The following TYW1B variants were observed in gnomAD, a reference collection of about 807,000 sequenced individuals.
TYW1B encodes S-adenosyl-L-methionine-dependent tRNA 4-demethylwyosine synthase TYW1B.
In TYW1B, 73 loss-of-function variants were observed where a neutral mutation model predicts 86.9. The ratio of observed to expected loss-of-function variants is 0.84; its 90% CI spans 0.70 to 1.02. The LOEUF (loss-of-function observed/expected upper bound fraction) is 1.02, where lower values mean the gene tolerates loss of function less well. Ranked by LOEUF, TYW1B falls within the 50% of genes least tolerant of loss-of-function variation. TYW1B has a pLI of 0.00. For missense variants in TYW1B, 637 were observed against 827.4 expected (o/e 0.77, Z 2.82); for synonymous variants, 248 against 292.8 (o/e 0.85, Z 1.56).
chr7:72,629,767 C>T (rs782626573), intron 11 of TYW1B, among the ~76,000 whole-genome samples: 1 of 151,946 alleles, frequency 6.6e-6, no homozygotes, highest in Non-Finnish European at 1.5e-5. Flanking sequence ...AGGCTGGTCT[C>T]GAACTCTCGG....
intron 2 of TYW1B, among the ~76,000 whole-genome samples, chr7:72,819,961 A>C (rs1420535709): frequency 2.6e-5 from 4 of 152,152 alleles, no homozygotes; most frequent in Non-Finnish European, 5.9e-5. Flanking sequence ...ATTGGGGCCT[A>C]TATTGAGCAT....
intron 7 of TYW1B, among the ~76,000 whole-genome samples, chr7:72,747,605 A>T (rs1787418794): frequency 6.6e-6 from 1 of 152,248 alleles, no homozygotes; most frequent in South Asian, 2.1e-4. Context: ...CTACAAGATC[A>T]GAGTGAACTA....
chr7:72,632,285 G>GTATA (rs1239640717), intron 11 of TYW1B, among the ~76,000 whole-genome samples: 1 of 83,568 alleles, frequency 1.2e-5, no homozygotes, highest in Non-Finnish European at 2.1e-5. Flanking sequence ...ATATATACGT[G>GTATA]TATATATATA....
intron 6 of TYW1B, among the ~76,000 whole-genome samples, chr7:72,778,064 GTAAC>G (rs1563091036): frequency 6.6e-6 from 1 of 152,156 alleles, no homozygotes; most frequent in African/African-American, 2.4e-5. Context: ...CTTTTGTTAA[GTAAC>G]TATATATTCA....
At chr7:72,621,716 C>T (rs1462632032) in intron 12 of TYW1B, among the ~76,000 whole-genome samples, 3 of 152,238 alleles carry the variant, frequency 2.0e-5, no homozygotes, top group Non-Finnish European at 2.9e-5. Context: ...TCAATCTATG[C>T]TAAATGATCA....
chr7:72,758,407 C>G (rs1554466602), intron 7 of TYW1B, among the ~76,000 whole-genome samples: 1 of 152,092 alleles, frequency 6.6e-6, no homozygotes, highest in African/African-American at 2.4e-5. Context: ...GTTCCCATTG[C>G]TATGTTCTAT....
At chr7:72,779,682 A>G (rs536386831) in intron 6 of TYW1B, among the ~76,000 whole-genome samples, 2 of 132,944 alleles carry the variant, frequency 1.5e-5, no homozygotes, top group African/African-American at 5.7e-5. Context: ...GTGCCACTGC[A>G]CTCCAGCCTG....
At chr7:72,820,872 G>T (rs1458615973) in intron 2 of TYW1B, among the ~76,000 whole-genome samples, 1 of 152,186 alleles carries the variant, frequency 6.6e-6, no homozygotes, top group Non-Finnish European at 1.5e-5. Flanking sequence ...AAATATCATG[G>T]CGGTGTCAAA....
chr7:72,610,490 G>A (rs565356731), intron 13 of TYW1B, among the ~76,000 whole-genome samples: 58 of 151,876 alleles, frequency 3.8e-4, no homozygotes, highest in Non-Finnish European at 6.6e-4. Context: ...CTCGTTAATG[G>A]TCCTCATTTA....
chr7:72,736,894 T>C (rs868990719), intron 8 of TYW1B, among the ~76,000 whole-genome samples: 8 of 152,130 alleles, frequency 5.3e-5, no homozygotes, highest in Admixed American at 6.6e-5. Context: ...ACATCTGGAG[T>C]ATATCTACTT....
At chr7:72,581,756 G>C (rs1360865076) in intron 13 of TYW1B, among the ~76,000 whole-genome samples, 1 of 151,372 alleles carries the variant, frequency 6.6e-6, no homozygotes, top group African/African-American at 2.4e-5. Context: ...ATGATAGAGG[G>C]ATAAAAATAA....
chr7:72,790,303 A>T (rs1473831075), intron 6 of TYW1B, among the ~76,000 whole-genome samples: 3 of 152,030 alleles, frequency 2.0e-5, no homozygotes. Context: ...GTTTTATGCT[A>T]ATTAGGTGTC....
At chr7:72,782,305 T>A (rs1362892927) in intron 6 of TYW1B, among the ~76,000 whole-genome samples, 9 of 151,776 alleles carry the variant, frequency 5.9e-5, no homozygotes, top group Non-Finnish European at 1.2e-4. Context: ...TAAAAAAATT[T>A]AAAAAAAATC....
At chr7:72,815,524 C>T (rs782220701) in intron 2 of TYW1B, 43 bp from the exon 3 acceptor site, 1 of 1,534,870 alleles carries the variant, frequency 6.5e-7, no homozygotes, top group Non-Finnish European at 8.9e-7. Context: ...CTTCAATGAG[C>T]CAAATATAGC....
Position 72,744,716 on chromosome 7 carries a change from T to C in TYW1B, c.965-115A>G, listed in dbSNP as rs544232525. 8.6e-5 allele frequency: 105 copies of C among 1,216,226 alleles called. No homozygotes were observed. The East Asian group carries it at 2.2e-3, about 26-fold the overall frequency. The allele number at this position is 1,216,226 out of a possible 1,614,324, so 75.3% of individuals were successfully genotyped here. ...GTTTCGTAACCATGAATACTCCTAC[T>C]AGTATCTGCATGACGCAGGAAATTC... On this transcript the variant is annotated intron_variant, in intron 7 of 13. Coordinates refer to ENST00000620995, the MANE Select transcript of TYW1B (RefSeq NM_001145440.3).
intron 8 of TYW1B, among the ~76,000 whole-genome samples, chr7:72,738,524 T>C (rs367634027): frequency 1.3e-5 from 2 of 152,278 alleles, no homozygotes; most frequent in East Asian, 3.9e-4. Context: ...CGGAGCACTG[T>C]CCTATGCATT....
chr7:72,602,106 G>C (rs1554433877), intron 13 of TYW1B, among the ~76,000 whole-genome samples: 1 of 152,154 alleles, frequency 6.6e-6, no homozygotes, highest in Non-Finnish European at 1.5e-5. Context: ...TAAGATAATG[G>C]AATTCTATTA....
At chr7:72,669,401 C>T (rs1554445930) in intron 11 of TYW1B, among the ~76,000 whole-genome samples, 2 of 151,998 alleles carry the variant, frequency 1.3e-5, no homozygotes, top group South Asian at 2.1e-4. Context: ...CCACCTCAGC[C>T]TCCCAAAAAT....
At position 72,771,277 on chromosome 7, in the gene TYW1B, TA is replaced by T. The variant is rs1343542577; in HGVS notation, c.964+6138del. ...GCATCTAGCCACTCATATAAAATTCTAAAAAGGCAAAACTAAGTAACAGTAA... is the reference window on the plus strand; with the variant it reads ...GCATCTAGCCACTCATATAAAATTCTAAAAGGCAAAACTAAGTAACAGTAA... On this transcript the variant is annotated intron_variant, in intron 7 of 13. Coordinates refer to ENST00000620995, the MANE Select transcript of TYW1B (RefSeq NM_001145440.3). Among the ~76,000 whole-genome samples the T allele has an allele frequency of 3.3e-5, 5 of 151,980 alleles. No homozygotes were observed. In the South Asian group the frequency reaches 8.3e-4, roughly 25 times the overall value.
Sources: allele counts gnomAD v4.1 joint callset (sites outside exome capture counted in the v4.1 genomes callset), GRCh38; gene constraint gnomAD v4.1.1; transcripts MANE v1.5; gene names NCBI Gene and HGNC (gene_info 2026-07-23, HGNC 2026-07-21).